The following CPE variants were observed in gnomAD, a reference collection of about 807,000 sequenced individuals.
CPE encodes the protein carboxypeptidase E, also known as carbocypeptidase E.
A neutral mutation model predicts 53.5 loss-of-function variants in CPE; 17 were observed. That is an observed-to-expected ratio of 0.32 (90% CI 0.22 to 0.48). The LOEUF (loss-of-function observed/expected upper bound fraction) is 0.48, where lower values mean the gene tolerates loss of function less well. Ranked by LOEUF, CPE falls within the 20% of genes least tolerant of loss-of-function variation. The pLI is 0.99. For synonymous variants in CPE, 226 were observed against 228.8 expected (o/e 0.99, Z 0.11); for missense variants, 524 against 614.7 (o/e 0.85, Z 1.56).
chr4:165,469,025 T>C (rs1189327909), intron 3 of CPE, among the ~76,000 whole-genome samples: 1 of 152,180 alleles, frequency 6.6e-6, no homozygotes, highest in East Asian at 1.9e-4. Context: ...ATCTACCTCA[T>C]AGGATAAGGA....
chr4:165,460,202 A>G (rs1731976637), intron 1 of CPE, among the ~76,000 whole-genome samples: 1 of 152,000 alleles, frequency 6.6e-6, no homozygotes, highest in Admixed American at 6.5e-5. Flanking sequence ...AAAATTGATG[A>G]TGAAAAACTG....
chr4:165,379,233 A>G lies in CPE; in HGVS notation c.12A>G (p.Arg4=). The G allele has an allele frequency of 8.1e-7, 1 of 1,238,716 alleles. No individual in the cohort carries two copies. The highest frequency in any genetic ancestry group is 1.6e-5 in the African/African-American group (1 of 64,002). 76.7% of individuals were successfully genotyped at this position (1,238,716 alleles called of 1,614,324 possible). A position where few individuals can be genotyped will look rare whatever the true frequency, so the allele number is the denominator to read the frequency against. The change falls in exon 1 of 9, where the codon CGA becomes CGG. Residue 4 remains arginine (R), a synonymous_variant. Transcript: ENST00000402744. This position sits in a 1 kb window ranked among gnomAD's most constrained non-coding sequence, Gnocchi z 6.0. ...GGCGGAGCGCAGCGATGGCCGGGCGAGGGGGCAGCGCGCTGCTGGCTCTGT... is the reference window on the plus strand; with the variant it reads ...GGCGGAGCGCAGCGATGGCCGGGCGGGGGGGCAGCGCGCTGCTGGCTCTGT... The part of the protein sequence containing the change: MAG[R]GGSALLALCG...
intron 1 of CPE, among the ~76,000 whole-genome samples, chr4:165,425,236 C>G (rs1375508307): frequency 6.6e-6 from 1 of 151,878 alleles, no homozygotes; most frequent in African/African-American, 2.4e-5. Flanking sequence ...CTTAAAACCT[C>G]TTTATTATTA....
chr4:165,463,574 C>CA (rs985818095), intron 1 of CPE, among the ~76,000 whole-genome samples: 29 of 151,874 alleles, frequency 1.9e-4, no homozygotes, highest in African/African-American at 6.7e-4. Context: ...GGAATAAAAA[C>CA]AAAAAAACAA....
chr4:165,400,433 C>A (rs1730847895), intron 1 of CPE, among the ~76,000 whole-genome samples: 1 of 152,038 alleles, frequency 6.6e-6, no homozygotes, highest in South Asian at 2.1e-4. Flanking sequence ...AAGAAAGAGG[C>A]AGTAGGTATG....
intron 1 of CPE, among the ~76,000 whole-genome samples, chr4:165,432,231 G>A (rs1424343941): frequency 1.3e-5 from 2 of 152,208 alleles, no homozygotes; most frequent in Admixed American, 6.5e-5. Context: ...GGGCACTGAT[G>A]ACGGATGTGC....
intron 1 of CPE, among the ~76,000 whole-genome samples, chr4:165,458,118 C>T (rs769642435): frequency 1.3e-5 from 2 of 152,194 alleles, no homozygotes; most frequent in Non-Finnish European, 2.9e-5. Context: ...CCAGGTTTAT[C>T]ACTGAGGGAG....
Position 165,497,597 on chromosome 4 carries a change from C to T in CPE, c.1418C>T (p.Thr473Ile). 6.4e-7 allele frequency: 1 copy of T among 1,564,370 alleles called. No homozygotes were observed. Among genetic ancestry groups the T allele is most frequent in the Non-Finnish European group, 8.6e-7 (1 of 1,158,462 alleles). The stretch of plus-strand genomic sequence containing the variant: ...GAATGGTGGAAAATGATGTCAGAAA[C>T]TTTAAATTTTTAAAAAGGCTTCTAG... ...LMEWWKMMSETLNF is the reference protein window; with the variant it reads ...LMEWWKMMSEILNF Residue 473 changes from threonine (T) to isoleucine (I), a missense_variant, in exon 9 of 9, where the codon ACT becomes ATT. Coordinates refer to ENST00000402744, the MANE Select transcript of CPE (RefSeq NM_001873.4).
In CPE at chr4:165,486,870, G is replaced by C. The variant is rs540953106; in HGVS notation, c.974-568G>C. On this transcript the variant is annotated intron_variant, in intron 5 of 8. Transcript: ENST00000402744. ...AAAATCATCTTCGGAGAGAGGCATA[G>C]ACCTGTCTCTGGGGCGCATCCTTAA... Among the ~76,000 whole-genome samples the C allele has an allele frequency of 7.7e-4, 117 of 152,216 alleles. 1 individual carries two copies. The South Asian group carries it at 0.023, about 30-fold the overall frequency.
intron 3 of CPE, among the ~76,000 whole-genome samples, chr4:165,469,596 C>T (rs554496635): frequency 6.6e-6 from 1 of 152,304 alleles, no homozygotes; most frequent in South Asian, 2.1e-4. Flanking sequence ...TCATCCTCTA[C>T]TCTTCAAGAC....
At chr4:165,475,114 G>A (rs1732272879) in intron 3 of CPE, among the ~76,000 whole-genome samples, 1 of 152,182 alleles carries the variant, frequency 6.6e-6, no homozygotes. Flanking sequence ...GTAACCTCCG[G>A]AGGACTTGAG....
chr4:165,468,681 G>A lies in CPE; in HGVS notation c.672+826G>A, dbSNP rs148953438. On this transcript the variant is annotated intron_variant, in intron 3 of 8. Transcript: ENST00000402744. ...TCTGCAAACTCATTCCCCTGCCTCA[G>A]CTGAGATCCCCACGGTCTCCTGCTG... Among the ~76,000 whole-genome samples the A allele has an allele frequency of 5.1e-3, 774 of 152,156 alleles. 7 individuals carry two copies. The highest frequency in any genetic ancestry group is 0.017 in the African/African-American group (713 of 41,488).
chr4:165,404,231 C>G, intron 1 of CPE: 1 of 761,750 alleles, frequency 1.3e-6, no homozygotes, highest in Non-Finnish European at 2.5e-6. Flanking sequence ...AGGTGGGAAG[C>G]TGAGCCCGAA....
intron 3 of CPE, among the ~76,000 whole-genome samples, chr4:165,476,002 A>G (rs1732293218): frequency 6.6e-6 from 1 of 152,188 alleles, no homozygotes; most frequent in South Asian, 2.1e-4. Flanking sequence ...CCACTGGGAA[A>G]CATATCCAAG....
Position 165,493,247 on chromosome 4 carries a change from G to A in CPE, c.1190G>A (p.Gly397Glu). 2 of 1,613,962 alleles carry A rather than the reference G, an allele frequency of 1.2e-6. No homozygotes were observed. The highest frequency in any genetic ancestry group is 1.1e-5 in the South Asian group (1 of 91,080). ...GCGAATGCCACCATCTCCGTGGAAGGAATAGACCACGATGTTACATCCGGT... is the reference window on the plus strand; with the variant it reads ...GCGAATGCCACCATCTCCGTGGAAGAAATAGACCACGATGTTACATCCGGT... ...PIANATISVE[G>E]IDHDVTSAKD... Residue 397 changes from glycine to glutamate, a missense_variant, in exon 7 of 9, where the codon GGA becomes GAA. Coordinates refer to ENST00000402744, the MANE Select transcript of CPE (RefSeq NM_001873.4).
chr4:165,454,531 G>T (rs1731869127), intron 1 of CPE, among the ~76,000 whole-genome samples: 1 of 152,050 alleles, frequency 6.6e-6, no homozygotes, highest in South Asian at 2.1e-4. Context: ...TTTATCTGTG[G>T]GTTAGTAAAT....
chr4:165,390,494 A>T (rs1387308906), intron 1 of CPE, among the ~76,000 whole-genome samples: 3 of 152,210 alleles, frequency 2.0e-5, no homozygotes, highest in Non-Finnish European at 4.4e-5. Context: ...AACATGTGCA[A>T]AATACCTGAT....
chr4:165,442,660 A>G (rs1364597443), intron 1 of CPE, among the ~76,000 whole-genome samples: 1 of 152,220 alleles, frequency 6.6e-6, no homozygotes, highest in African/African-American at 2.4e-5. Flanking sequence ...CCACATTTCA[A>G]GTGCTCAAAT....
At chr4:165,455,655 ATTT>A (rs11357652) in intron 1 of CPE, among the ~76,000 whole-genome samples, 1 of 142,012 alleles carries the variant, frequency 7.0e-6, no homozygotes, top group African/African-American at 2.7e-5. Flanking sequence ...AGTCAAAGGT[ATTT>A]TTTTTTTTTT....
Sources: gnomAD v4.1 joint callset for allele counts (sites outside exome capture counted in the v4.1 genomes callset) on GRCh38, gnomAD v4.1.1 for gene constraint, Gnocchi (gnomAD v3.1) non-coding constraint, MANE v1.5 for transcripts, NCBI Gene and HGNC (gene_info 2026-07-23, HGNC 2026-07-21) for gene names.